The following TSPEAR variants were observed in gnomAD, a reference collection of about 807,000 sequenced individuals.
TSPEAR encodes thrombospondin-type laminin G domain and EAR repeat-containing protein.
In TSPEAR, 69 loss-of-function variants were observed where a neutral mutation model predicts 71.6. That is an observed-to-expected ratio of 0.96 (90% CI 0.79 to 1.18). The LOEUF (loss-of-function observed/expected upper bound fraction) is 1.18, where lower values mean the gene tolerates loss of function less well. Ranked by LOEUF, TSPEAR falls within the 50% of genes most tolerant of loss-of-function variation. The pLI is 0.00. For synonymous variants in TSPEAR, 402 were observed against 387.2 expected (o/e 1.04, Z -0.45); for missense variants, 971 against 894.9 (o/e 1.09, Z -1.09).
At chr21:44,661,804 C>A (rs1985510303) in intron 1 of TSPEAR, among the ~76,000 whole-genome samples, 1 of 152,254 alleles carries the variant, frequency 6.6e-6, no homozygotes, top group East Asian at 1.9e-4. Flanking sequence ...CTTTAAACAA[C>A]CAGGTCTCCC....
At chr21:44,635,091 TC>T (rs1489042037) in intron 1 of TSPEAR, among the ~76,000 whole-genome samples, 3 of 152,096 alleles carry the variant, frequency 2.0e-5, no homozygotes, top group Admixed American at 2.0e-4. Context: ...ATGCCTGTAA[TC>T]CCAGCACTTT....
rs1386278132 is a variant in TSPEAR at position 44,520,522 on chromosome 21, C to T, written c.1566+1361G>A. ...GCCAGAGGGCTGAGCACGTGGGAGT[C>T]CCGGAGCAATTCTCTGCACGCATTA... is the stretch of plus-strand genomic sequence containing the variant. On this transcript the variant is annotated intron_variant, in intron 9 of 11. Transcript: ENST00000323084. This position sits in a 1 kb window ranked among gnomAD's most constrained non-coding sequence, Gnocchi z 4.2. 1 of 152,200 alleles carries T rather than the reference C, an allele frequency of 6.6e-6. No individual in the cohort carries two copies. Among genetic ancestry groups the T allele is most frequent in the Non-Finnish European group, 1.5e-5 (1 of 68,040 alleles). 9.4% of individuals were successfully genotyped at this position (152,200 alleles called of 1,614,324 possible).
chr21:44,521,993 G>C lies in TSPEAR; in HGVS notation c.1456C>G (p.Pro486Ala). 1.2e-6 allele frequency: 2 copies of C among 1,614,164 alleles called. No homozygotes were observed. The highest frequency in any genetic ancestry group is 1.7e-6 in the Non-Finnish European group (2 of 1,180,024). The change falls in exon 9 of 12, where the codon CCC (proline) becomes GCC (alanine). Residue 486 changes from proline to alanine, a missense_variant. By Grantham distance (27) the Pro-to-Ala change is conservative. Coordinates refer to ENST00000323084, the MANE Select transcript of TSPEAR (RefSeq NM_144991.3). The part of the protein sequence containing the change: ...AYDWEFFSVG[P>A]YSFLVVANTF... ...TTGGCCACCACCAGGAACGAGTAGG[G>C]CCCCACACTGAAGAACTCCCAGTCG...
chr21:44,678,417 C>T (rs1252578405), intron 1 of TSPEAR, among the ~76,000 whole-genome samples: 7 of 152,246 alleles, frequency 4.6e-5, no homozygotes, highest in African/African-American at 1.7e-4. Context: ...GAATGTGAAG[C>T]ACTGGTGCCC....
chr21:44,547,702 C>A (rs1396420874), intron 2 of TSPEAR, among the ~76,000 whole-genome samples: 1 of 152,230 alleles, frequency 6.6e-6, no homozygotes, highest in Non-Finnish European at 1.5e-5. Flanking sequence ...GGGTTTGTAG[C>A]TGGGCTCTGT....
chr21:44,583,479 G>T (rs1373433560), intron 1 of TSPEAR, among the ~76,000 whole-genome samples: 1 of 152,172 alleles, frequency 6.6e-6, no homozygotes, highest in Non-Finnish European at 1.5e-5. Context: ...CTGGTTTGTC[G>T]CAAAGCCTTG....
Position 44,601,611 on chromosome 21 carries a change from C to T in TSPEAR, c.83-33606G>A, listed in dbSNP as rs373482579. 1.3e-5 allele frequency: 21 copies of T among 1,613,476 alleles called. 1 individual carries two copies. In the African/African-American group the frequency reaches 2.0e-4, roughly 15 times the overall value. ...GCGTGCCCGTCCCCTCCTGCTGCGC[C>T]CCCACCTCCTCCTGCCAGGCCAGCT... is the stretch of plus-strand genomic sequence containing the variant. On this transcript the variant is annotated intron_variant, in intron 1 of 11. Transcript: ENST00000323084.
intron 1 of TSPEAR, among the ~76,000 whole-genome samples, chr21:44,679,046 G>A (rs1192621451): frequency 6.6e-6 from 1 of 152,148 alleles, no homozygotes; most frequent in African/African-American, 2.4e-5. Context: ...GGTCTACAGA[G>A]CCCTTCTAAA....
At position 44,659,165 on chromosome 21, in the gene TSPEAR, C is replaced by T. The variant is rs587642556; in HGVS notation, c.82+52268G>A. Among the ~76,000 whole-genome samples the T allele has an allele frequency of 1.6e-4, 24 of 152,260 alleles. No homozygotes were observed. In the East Asian group the frequency reaches 1.9e-3, roughly 12 times the overall value. On this transcript the variant is annotated intron_variant, in intron 1 of 11. Transcript: ENST00000323084. The stretch of plus-strand genomic sequence containing the variant: ...CTAGCAGGCACAGCTCAATAAGCAA[C>T]GTCAGCCTGCCTCTGGGGAAAGGCA...
chr21:44,600,880 C>T (rs782697889), intron 1 of TSPEAR: 1 of 1,611,118 alleles, frequency 6.2e-7, no homozygotes, highest in Non-Finnish European at 8.5e-7. Context: ...CTCCTGCACG[C>T]CCTCGTGCTG....
chr21:44,589,109 T>A (rs587661079), intron 1 of TSPEAR, among the ~76,000 whole-genome samples: 2 of 151,796 alleles, frequency 1.3e-5, no homozygotes, highest in South Asian at 4.2e-4. Flanking sequence ...AAATTACTAA[T>A]CCATGTAACC....
At chr21:44,637,708 T>TCTGCTGCGTGCCC in intron 1 of TSPEAR, 1 of 482,898 alleles carries the variant, frequency 2.1e-6, no homozygotes, top group Non-Finnish European at 2.9e-6. Context: ...GCTGTGTGCC[T>TCTGCTGCGTGCCC]GTCTGCTGTG....
In TSPEAR at chr21:44,593,957, A is replaced by AC. The variant is rs782160606; in HGVS notation, c.83-25953dup. Among the ~76,000 whole-genome samples the AC allele has an allele frequency of 6.6e-6, 1 of 152,056 alleles. No individual in the cohort carries two copies. Among genetic ancestry groups the AC allele is most frequent in the Non-Finnish European group, 1.5e-5 (1 of 68,016 alleles). ...TTCAGGAACCTCCTCCTGATAAGGG[A>AC]CCCCCAACCATGGACTGGCTCCAGC... On this transcript the variant is annotated intron_variant, in intron 1 of 11. Transcript: ENST00000323084. This position sits in a 1 kb window ranked among gnomAD's most constrained non-coding sequence, Gnocchi z 5.9.
chr21:44,567,949 C>A lies in TSPEAR; in HGVS notation c.139G>T (p.Gly47Trp). ...CCGTGAACCTGAACTATCCTGATCC[C>A]GCTTGTGGCGCCATCAGAAGGGACC... ...EVVPSDGATSGIRIVQVHGAR... is the reference protein window; with the variant it reads ...EVVPSDGATSWIRIVQVHGAR... The change falls in exon 2 of 12, where the codon GGG becomes TGG. Residue 47 changes from glycine (G) to tryptophan (W), a missense_variant. Physicochemically the swap from Gly to Trp is radical, Grantham distance 184. Transcript: ENST00000323084. The A allele has an allele frequency of 6.3e-7, 1 of 1,579,318 alleles. No homozygotes were observed.
chr21:44,574,488 T>C lies in TSPEAR; in HGVS notation c.83-6483A>G, dbSNP rs782335154. On this transcript the variant is annotated intron_variant, in intron 1 of 11. Coordinates refer to ENST00000323084, the MANE Select transcript of TSPEAR (RefSeq NM_144991.3). ...GACTGTCTGCTGCAAGCCTGTGTGC[T>C]CTGAGGATTCCTCTTCATGCTGCCA... The C allele has an allele frequency of 6.2e-7, 1 of 1,610,696 alleles. No homozygotes were observed. Among genetic ancestry groups the C allele is most frequent in the Non-Finnish European group, 8.5e-7 (1 of 1,179,436 alleles).
At chr21:44,629,259 C>T (rs1555935282) in intron 1 of TSPEAR, among the ~76,000 whole-genome samples, 5 of 152,224 alleles carry the variant, frequency 3.3e-5, no homozygotes, top group Admixed American at 2.0e-4. Flanking sequence ...CTGCATGTGT[C>T]AGCTCAGGCT....
intron 1 of TSPEAR, among the ~76,000 whole-genome samples, chr21:44,682,705 A>T (rs1986665035): frequency 6.6e-6 from 1 of 152,208 alleles, no homozygotes; most frequent in Non-Finnish European, 1.5e-5. Context: ...TTAGGAGATA[A>T]ACTCCCATTT....
At chr21:44,686,021 C>T (rs1431326836) in intron 1 of TSPEAR, among the ~76,000 whole-genome samples, 3 of 152,190 alleles carry the variant, frequency 2.0e-5, no homozygotes, top group African/African-American at 7.2e-5. Flanking sequence ...GCTCTCATTA[C>T]TTGGGAAGAC....
intron 1 of TSPEAR, chr21:44,676,915 T>A: frequency 1.1e-6 from 1 of 888,936 alleles, no homozygotes; most frequent in East Asian, 2.4e-5. Flanking sequence ...GATGTGACGA[T>A]GTGCACGGGC....
Sources: gnomAD v4.1 joint callset for allele counts (sites outside exome capture counted in the v4.1 genomes callset) on GRCh38, gnomAD v4.1.1 for gene constraint, Gnocchi (gnomAD v3.1) non-coding constraint, MANE v1.5 for transcripts, NCBI Gene and HGNC (gene_info 2026-07-23, HGNC 2026-07-21) for gene names.